The following MPDZ variants were observed in gnomAD, a reference collection of about 807,000 sequenced individuals.
The protein encoded by MPDZ is multiple PDZ domain crumbs cell polarity complex component, also known as multiple PDZ domain protein.
A neutral mutation model predicts 239.1 loss-of-function variants in MPDZ; 234 were observed. The ratio of observed to expected loss-of-function variants is 0.98; its 90% CI spans 0.88 to 1.09. The LOEUF (loss-of-function observed/expected upper bound fraction) is 1.09, where lower values mean the gene tolerates loss of function less well. MPDZ is among the 50% of genes least tolerant of loss of function. The pLI is 0.00. For missense variants in MPDZ, 3,175 were observed against 2,510.0 expected, an observed-to-expected ratio of 1.26 and a Z score of -5.66; for synonymous variants, 1,048 against 881.3, an observed-to-expected ratio of 1.19 and a Z score of -3.35.
At chr9:13,142,949 G>T (rs1319728714) in intron 27 of MPDZ, among the ~76,000 whole-genome samples, 1 of 152,042 alleles carries the variant, frequency 6.6e-6, no homozygotes, top group African/African-American at 2.4e-5. Flanking sequence ...AGATTTACGA[G>T]CATTGAAACA....
Position 13,247,773 on chromosome 9 carries a change from C to A in MPDZ, c.45G>T (p.Glu15Asp). 3 of 1,611,682 alleles carry A rather than the reference C, an allele frequency of 1.9e-6. No homozygotes were observed. The highest frequency in any genetic ancestry group is 2.2e-5 in the South Asian group (2 of 90,930). Residue 15 changes from glutamate to aspartate, a missense_variant, in exon 3 of 47, where the codon GAG becomes GAT. Transcript: ENST00000319217. ...IDKNRALHAA[E>D]RLQTKLRERG... is the part of the protein sequence containing the mutation. The stretch of plus-strand genomic sequence containing the variant: ...GTTCTCGCAGCTTGGTTTGCAAGCG[C>A]TCTGCTGCATGCAGGGCCCGATTTT...
In MPDZ at chr9:13,183,560, A is replaced by G. The variant is rs1953678838; in HGVS notation, c.2507T>C (p.Val836Ala). 2 of 1,612,356 alleles carry G rather than the reference A, an allele frequency of 1.2e-6. No individual in the cohort carries two copies. The highest frequency in any genetic ancestry group is 2.2e-5 in the South Asian group (2 of 91,026). The change falls in exon 19 of 47, where the codon GTA (valine) becomes GCA (alanine). Residue 836 changes from valine to alanine, a missense_variant. By Grantham distance (64) the Val-to-Ala change is moderately conservative (BLOSUM62 0). Transcript: ENST00000319217. ...TGGAGACTCAAATGTGGATTCATCTACTAAGTCAGCATCATTTGTGCCCAC... is the reference window on the plus strand; with the variant it reads ...TGGAGACTCAAATGTGGATTCATCTGCTAAGTCAGCATCATTTGTGCCCAC... ...ALVGTNDADL[V>A]DESTFESPYS... is the part of the protein sequence containing the mutation.
chr9:13,267,179 A>C (rs928466826), intron 1 of MPDZ, among the ~76,000 whole-genome samples: 1 of 152,272 alleles, frequency 6.6e-6, no homozygotes, highest in Non-Finnish European at 1.5e-5. Flanking sequence ...GCATGTTATA[A>C]TAATGACTTT....
chr9:13,140,432 ATTTG>A (rs1223624702), intron 27 of MPDZ, among the ~76,000 whole-genome samples: 6 of 145,976 alleles, frequency 4.1e-5, no homozygotes, highest in South Asian at 4.2e-4. Context: ...GCTTTCCATT[ATTTG>A]TTTGATATTT....
At chr9:13,135,946 T>C (rs762136111) in intron 31 of MPDZ, 146 bp downstream of exon 31, 13 of 555,606 alleles carry the variant, frequency 2.3e-5, no homozygotes, top group East Asian at 5.9e-5. Context: ...TGTCTTCTTA[T>C]ACTAGGATGT....
rs771548786 is a variant in MPDZ, at chr9:13,196,221, A to G, written c.1556T>C (p.Leu519Ser). 6 of 1,586,730 alleles carry G rather than the reference A, an allele frequency of 3.8e-6. No homozygotes were observed. The East Asian group carries it at 1.4e-4, about 36-fold the overall frequency. The change falls in exon 13 of 47, where the codon TTA becomes TCA. Residue 519 changes from leucine (L) to serine (S), a missense_variant. Transcript: ENST00000319217. Reference protein sequence around the residue: ...ILPTEEEGYPLLSAEIEEIED... With the variant: ...ILPTEEEGYPSLSAEIEEIED... ...TATTTCTTCTATCTCAGCTGACAGT[A>G]ATGGATACCCTGAAACAGTCAAGGC... is the stretch of plus-strand genomic sequence containing the variant.
intron 4 of MPDZ, 80 bp downstream of exon 4, chr9:13,224,294 T>A: frequency 7.7e-7 from 1 of 1,296,512 alleles, no homozygotes; most frequent in South Asian, 1.5e-5. Context: ...GTCACTATAT[T>A]CTTCAAATTA....
chr9:13,220,449 C>T (rs1023311957), intron 7 of MPDZ, among the ~76,000 whole-genome samples: 4 of 151,902 alleles, frequency 2.6e-5, no homozygotes, highest in African/African-American at 2.4e-5. Context: ...TTTTAATTAA[C>T]TTAAATTTTA....
In MPDZ at chr9:13,191,419, ATGTATTG is replaced by A. The variant is rs763956399; in HGVS notation, c.1968+705_1968+711del. Among the ~76,000 whole-genome samples, 76 of 152,268 alleles carry A rather than the reference ATGTATTG, an allele frequency of 5.0e-4. 1 individual carries two copies. The highest frequency in any genetic ancestry group is 5.1e-4 in the Non-Finnish European group (35 of 68,022). On this transcript the variant is annotated intron_variant, in intron 15 of 46. Coordinates refer to ENST00000319217, the MANE Select transcript of MPDZ (RefSeq NM_001378778.1). ...CAAAGTCCTAATCCTAACTTTAGCT[ATGTATTG>A]TGTATCCTCAGAAAAGCTGATTAGC...
At chr9:13,230,776 G>A (rs1341230535) in intron 3 of MPDZ, among the ~76,000 whole-genome samples, 3 of 151,946 alleles carry the variant, frequency 2.0e-5, no homozygotes, top group Non-Finnish European at 2.9e-5. Context: ...CGGGAGGGAG[G>A]AATTTAAAAC....
chr9:13,221,822 CAT>C (rs1959141134), intron 6 of MPDZ, among the ~76,000 whole-genome samples: 1 of 151,800 alleles, frequency 6.6e-6, no homozygotes, highest in Non-Finnish European at 1.5e-5. Flanking sequence ...AAAAAGGTCA[CAT>C]GTTAAGAATG....
chr9:13,178,132 G>A (rs1166088161), intron 19 of MPDZ, among the ~76,000 whole-genome samples: 2 of 151,966 alleles, frequency 1.3e-5, no homozygotes, highest in African/African-American at 2.4e-5. Flanking sequence ...GGTGGCTGGT[G>A]CCTGAAGTCC....
chr9:13,145,733 ATT>A (rs1280488538), intron 26 of MPDZ, among the ~76,000 whole-genome samples: 1 of 152,036 alleles, frequency 6.6e-6, no homozygotes, highest in Non-Finnish European at 1.5e-5. Flanking sequence ...ATCAGGTATC[ATT>A]ATACCTCAGA....
In MPDZ at chr9:13,176,393, G is replaced by T. The variant is rs767056600; in HGVS notation, c.2674C>A (p.Pro892Thr). The T allele has an allele frequency of 5.1e-6, 8 of 1,577,128 alleles. No individual in the cohort carries two copies. The South Asian group carries it at 7.2e-5, about 14-fold the overall frequency. ...PKDVIENSCDPVLDLHMSLEE... is the reference protein window; with the variant it reads ...PKDVIENSCDTVLDLHMSLEE... Reference sequence around the variant, plus strand: ...AGAGACATATGCAGATCAAGTACTGGATCACAAGAATTTTCAATAACATCC... The same window carrying T: ...AGAGACATATGCAGATCAAGTACTGTATCACAAGAATTTTCAATAACATCC... The change falls in exon 20 of 47, where the codon CCA (proline) becomes ACA (threonine). Residue 892 changes from proline (P) to threonine (T), a missense_variant. Coordinates refer to ENST00000319217, the MANE Select transcript of MPDZ (RefSeq NM_001378778.1).
At chr9:13,232,951 T>G (rs1962936740) in intron 3 of MPDZ, among the ~76,000 whole-genome samples, 1 of 149,838 alleles carries the variant, frequency 6.7e-6, no homozygotes, top group South Asian at 2.1e-4. Flanking sequence ...GCATCATTAC[T>G]CATCAGGAAA....
chr9:13,176,523 C>T (rs1563964884), intron 19 of MPDZ, 106 bp from the exon 20 acceptor site: 4 of 953,454 alleles, frequency 4.2e-6, no homozygotes, highest in Non-Finnish European at 5.8e-6. Flanking sequence ...AAATGTAAAA[C>T]ATAACAATTA....
chr9:13,190,263 C>G lies in MPDZ; in HGVS notation c.2005G>C (p.Glu669Gln). The G allele has an allele frequency of 6.2e-7, 1 of 1,608,428 alleles. No individual in the cohort carries two copies. The highest frequency in any genetic ancestry group is 8.5e-7 in the Non-Finnish European group (1 of 1,177,618). Residue 669 changes from glutamate (E) to glutamine (Q), a missense_variant, in exon 16 of 47, where the codon GAG becomes CAG. Glu to Gln is a conservative substitution (Grantham distance 29). Coordinates refer to ENST00000319217, the MANE Select transcript of MPDZ (RefSeq NM_001378778.1). The stretch of plus-strand genomic sequence containing the variant: ...ATCGCCAGCACTGGATCCTCTGTCT[C>G]TGATGACCCGATGAACTCACCTAGA... ...VDLGEFIGSS[E>Q]TEDPVLAMTD...
At chr9:13,146,087 C>A (rs1948396063) in intron 26 of MPDZ, among the ~76,000 whole-genome samples, 1 of 151,962 alleles carries the variant, frequency 6.6e-6, no homozygotes, top group Non-Finnish European at 1.5e-5. Flanking sequence ...GTAAAGAATG[C>A]AGCATGATGC....
At chr9:13,216,964 G>A (rs942163834) in intron 9 of MPDZ, 102 bp from the exon 10 acceptor site, 33 of 886,222 alleles carry the variant, frequency 3.7e-5, no homozygotes, top group African/African-American at 3.5e-4. Context: ...GAATAAATAC[G>A]TATCATCTAG....
Sources: allele counts gnomAD v4.1 joint callset (sites outside exome capture counted in the v4.1 genomes callset), GRCh38; gene constraint gnomAD v4.1.1; transcripts MANE v1.5; gene names NCBI Gene and HGNC (gene_info 2026-07-23, HGNC 2026-07-21).